Variants in LRRC4C observed in about 807,000 individuals in gnomAD.
LRRC4C encodes leucine-rich repeat-containing protein 4C.
Under a neutral mutation model 33.6 loss-of-function variants are expected in LRRC4C, and 5 were observed. That is an observed-to-expected ratio of 0.15 (90% confidence interval 0.08 to 0.31). LRRC4C has a LOEUF of 0.31. LRRC4C is among the 10% of genes least tolerant of loss of function. The pLI, the probability that LRRC4C is intolerant of heterozygous loss-of-function variation, is 1.00. For missense variants in LRRC4C, 560 were observed against 796.7 expected (o/e 0.70, Z 3.58); for synonymous variants, 329 against 302.0 (o/e 1.09, Z -0.93).
intron 4 of LRRC4C, among the ~76,000 whole-genome samples, chr11:40,309,304 T>C (rs781668482): frequency 2.0e-5 from 3 of 152,220 alleles, no homozygotes; most frequent in Non-Finnish European, 4.4e-5. Flanking sequence ...AATGGAATCA[T>C]ACCATGTGTG....
intron 1 of LRRC4C, among the ~76,000 whole-genome samples, chr11:41,148,028 CT>C (rs904987564): frequency 9.9e-5 from 15 of 151,298 alleles, no homozygotes; most frequent in Non-Finnish European, 1.9e-4. Context: ...TATTTTTTTT[CT>C]TTTTTTTGAG....
intron 3 of LRRC4C, among the ~76,000 whole-genome samples, chr11:40,558,861 C>G (rs1035813089): frequency 6.6e-6 from 1 of 152,084 alleles, no homozygotes; most frequent in Non-Finnish European, 1.5e-5. Context: ...CTCCTCCCAC[C>G]CTCCACCTCA....
At chr11:40,348,359 G>A (rs10837384) in intron 3 of LRRC4C, among the ~76,000 whole-genome samples, 44,460 of 151,604 alleles carry the variant, frequency 0.29, 6,914 homozygotes, top group East Asian at 0.5. Context: ...TATTATTACT[G>A]CTATTTACAT....
chr11:40,986,789 C>G (rs1392322438), intron 1 of LRRC4C, among the ~76,000 whole-genome samples: 1 of 152,102 alleles, frequency 6.6e-6, no homozygotes, highest in African/African-American at 2.4e-5. Context: ...TACACTGTAA[C>G]AAATATCTGT....
At position 40,500,285 on chromosome 11, in the gene LRRC4C, TATATATATACACAC is replaced by T. The variant is rs1234835250; in HGVS notation, c.-270+147843_-270+147856del. Among the ~76,000 whole-genome samples, 97 of 67,430 alleles carry T rather than the reference TATATATATACACAC, an allele frequency of 1.4e-3. 1 individual carries two copies. Among genetic ancestry groups the T allele is most frequent in the African/African-American group, 5.0e-3 (90 of 18,066 alleles). The allele number at this position is 67,430 out of a possible 152,430, so 44.2% of individuals were successfully genotyped here. A position where few individuals can be genotyped will look rare whatever the true frequency, so the allele number is the denominator to read the frequency against. On this transcript the variant is annotated intron_variant, in intron 3 of 6. Coordinates refer to ENST00000528697, the MANE Select transcript of LRRC4C (RefSeq NM_001258419.2). ...ACCTAATGTCTGATATATATATATA[TATATATATACACAC>T]ACACACACACACACACACACACACA...
At chr11:41,423,608 A>G (rs1333657611) in intron 1 of LRRC4C, among the ~76,000 whole-genome samples, 2 of 152,106 alleles carry the variant, frequency 1.3e-5, no homozygotes, top group Non-Finnish European at 2.9e-5. Flanking sequence ...TTTGAGAAAG[A>G]AATGGAAGCA....
At chr11:40,988,713 C>CTTTTTTTT (rs869034558) in intron 1 of LRRC4C, among the ~76,000 whole-genome samples, 1 of 57,754 alleles carries the variant, frequency 1.7e-5, no homozygotes, top group Non-Finnish European at 4.1e-5. Flanking sequence ...CTTTTCTTTT[C>CTTTTTTTT]TTTTTTTTTT....
At chr11:41,149,379 C>T (rs906859721) in intron 1 of LRRC4C, among the ~76,000 whole-genome samples, 28 of 151,662 alleles carry the variant, frequency 1.8e-4, no homozygotes, top group African/African-American at 6.5e-4. Context: ...CAGTGGCGGG[C>T]GCCTGTAGTC....
At chr11:41,264,223 C>T (rs7108784) in intron 1 of LRRC4C, among the ~76,000 whole-genome samples, 35,324 of 151,524 alleles carry the variant, frequency 0.23, 4,892 homozygotes, top group African/African-American at 0.39. Flanking sequence ...TTCTGAGTAG[C>T]TGGGACTACA....
chr11:40,760,800 T>TATACAC (rs1322372168), intron 2 of LRRC4C, among the ~76,000 whole-genome samples: 1 of 52,856 alleles, frequency 1.9e-5, no homozygotes, highest in African/African-American at 7.5e-5. Context: ...TATATATATA[T>TATACAC]ACACACACAC....
At chr11:41,359,185 T>TA (rs1952261803) in intron 1 of LRRC4C, among the ~76,000 whole-genome samples, 1 of 151,764 alleles carries the variant, frequency 6.6e-6, no homozygotes, top group Non-Finnish European at 1.5e-5. Context: ...TGCCAGGAAT[T>TA]AGAGAGAGGA....
intron 3 of LRRC4C, among the ~76,000 whole-genome samples, chr11:40,556,892 A>G (rs1957354294): frequency 6.6e-6 from 1 of 152,178 alleles, no homozygotes; most frequent in South Asian, 2.1e-4. Context: ...GGAGCTTCAG[A>G]GTCAAATAGA....
At chr11:40,225,226 A>G (rs912191963) in intron 5 of LRRC4C, among the ~76,000 whole-genome samples, 6 of 152,190 alleles carry the variant, frequency 3.9e-5, no homozygotes, top group Non-Finnish European at 8.8e-5. Flanking sequence ...AACTCCATTA[A>G]AAAAATTCAA....
intron 6 of LRRC4C, among the ~76,000 whole-genome samples, chr11:40,125,386 A>C (rs919102999): frequency 2.0e-5 from 3 of 152,164 alleles, no homozygotes; most frequent in Admixed American, 1.3e-4. Context: ...AATGGAAAGA[A>C]CTTATATCTT....
intron 2 of LRRC4C, among the ~76,000 whole-genome samples, chr11:40,814,979 C>T (rs1357642192): frequency 1.3e-5 from 2 of 152,162 alleles, no homozygotes; most frequent in Non-Finnish European, 2.9e-5. Flanking sequence ...CTGTTCCATC[C>T]TCTGCCTGTT....
At chr11:40,754,016 A>G (rs574342992) in intron 2 of LRRC4C, among the ~76,000 whole-genome samples, 8 of 152,164 alleles carry the variant, frequency 5.3e-5, no homozygotes, top group African/African-American at 1.9e-4. Context: ...ATATATACAC[A>G]CACACATTCT....
chr11:40,143,524 T>C (rs1411441690), intron 5 of LRRC4C, among the ~76,000 whole-genome samples: 2 of 152,146 alleles, frequency 1.3e-5, no homozygotes, highest in East Asian at 3.9e-4. Flanking sequence ...GCCTTGCACA[T>C]GCTGTTCCTC....
chr11:41,157,938 AATT>A (rs1211040858), intron 1 of LRRC4C, among the ~76,000 whole-genome samples: 7 of 152,082 alleles, frequency 4.6e-5, no homozygotes, highest in African/African-American at 1.7e-4. Context: ...TGTATAATTA[AATT>A]ATTATTGATT....
At chr11:41,214,295 C>T (rs912692183) in intron 1 of LRRC4C, among the ~76,000 whole-genome samples, 2 of 152,072 alleles carry the variant, frequency 1.3e-5, no homozygotes, top group African/African-American at 2.4e-5. Context: ...CTGCCAGGTG[C>T]TAGTGACTCC....
Sources: allele counts gnomAD v4.1 joint callset (sites outside exome capture counted in the v4.1 genomes callset), GRCh38; gene constraint gnomAD v4.1.1; transcripts MANE v1.5; gene names NCBI Gene and HGNC (gene_info 2026-07-23, HGNC 2026-07-21).